Variants in PTPRN2 observed in about 807,000 individuals in gnomAD.
The protein encoded by PTPRN2 is receptor-type tyrosine-protein phosphatase N2.
PTPRN2 carries 74 observed loss-of-function variants against 118.8 expected under a neutral mutation model. The observed-to-expected ratio is 0.62, with a 90% CI of 0.52 to 0.76. The LOEUF (loss-of-function observed/expected upper bound fraction) is 0.76. Among genes scored for constraint, PTPRN2 ranks in the 30% least tolerant of loss-of-function variants. PTPRN2 has a pLI of 0.00. For synonymous variants in PTPRN2, 641 were observed against 608.0 expected (o/e 1.05, Z -0.80); for missense variants, 1,481 against 1,394.4 (o/e 1.06, Z -0.99).
intron 11 of PTPRN2, among the ~76,000 whole-genome samples, chr7:157,963,714 C>T (rs560384902): frequency 2.3e-4 from 35 of 152,318 alleles, no homozygotes; most frequent in Non-Finnish European, 3.8e-4. Flanking sequence ...CAGACGATGC[C>T]GCTTCTCAGT....
chr7:157,640,179 G>C (rs1049085766), intron 14 of PTPRN2, among the ~76,000 whole-genome samples: 3 of 152,234 alleles, frequency 2.0e-5, no homozygotes, highest in Admixed American at 6.5e-5. Flanking sequence ...GATCATGATT[G>C]AAGGTGTTAA....
In PTPRN2 at chr7:157,929,207, G is replaced by A. The variant is rs1050621332; in HGVS notation, c.1724-30470C>T. Among the ~76,000 whole-genome samples the A allele has an allele frequency of 3.3e-5, 5 of 152,122 alleles. No homozygotes were observed. In the South Asian group the frequency reaches 6.2e-4, roughly 19 times the overall value. On this transcript the variant is annotated intron_variant, in intron 11 of 22. Coordinates refer to ENST00000389418, the MANE Select transcript of PTPRN2 (RefSeq NM_002847.5). This position sits in a 1 kb window ranked among gnomAD's most constrained non-coding sequence, Gnocchi z 4.4. ...GTTAGCAAATGCTGAAGGCAGGGTC[G>A]TCCCTGGCATGACCCCCTCCCCATA...
At chr7:158,258,864 C>A (rs769526791) in intron 3 of PTPRN2, among the ~76,000 whole-genome samples, 3 of 152,172 alleles carry the variant, frequency 2.0e-5, no homozygotes, top group Non-Finnish European at 4.4e-5. Flanking sequence ...CCTGCAGCCA[C>A]GCGAGGTCTG....
At chr7:158,079,385 G>A (rs1812622487) in intron 11 of PTPRN2, among the ~76,000 whole-genome samples, 1 of 152,154 alleles carries the variant, frequency 6.6e-6, no homozygotes, top group Non-Finnish European at 1.5e-5. Context: ...CCCCCTTGGT[G>A]CAGCACTTCG....
chr7:157,998,849 G>A (rs1279138441), intron 11 of PTPRN2, among the ~76,000 whole-genome samples: 1 of 150,696 alleles, frequency 6.6e-6, no homozygotes, highest in Non-Finnish European at 1.5e-5. Context: ...TCTACTTCAA[G>A]TTGTAATTCT....
intron 12 of PTPRN2, among the ~76,000 whole-genome samples, chr7:157,887,810 C>T (rs1414797105): frequency 2.4e-5 from 3 of 123,664 alleles, no homozygotes; most frequent in African/African-American, 9.7e-5. Flanking sequence ...TACCCACTCC[C>T]CCAGTACCCG....
intron 2 of PTPRN2, among the ~76,000 whole-genome samples, chr7:158,418,521 A>G (rs1814964293): frequency 6.8e-6 from 1 of 147,584 alleles, no homozygotes; most frequent in Non-Finnish European, 1.5e-5. Flanking sequence ...GTGTTAAGTC[A>G]CAGTGTACTA....
In PTPRN2 at chr7:158,214,059, G is replaced by A. The variant is rs369361166; in HGVS notation, c.278-8786C>T. Among the ~76,000 whole-genome samples, 35 of 151,988 alleles carry A rather than the reference G, an allele frequency of 2.3e-4. No individual in the cohort carries two copies. In the East Asian group the frequency reaches 2.9e-3, roughly 13 times the overall value. On this transcript the variant is annotated intron_variant, in intron 3 of 22. Transcript: ENST00000389418. ...TTAGCCCAGCCATCTCAGCCTTCCCGGAAGTCAGAAGAAACTGTGCTCTTA... is the reference window on the plus strand; with the variant it reads ...TTAGCCCAGCCATCTCAGCCTTCCCAGAAGTCAGAAGAAACTGTGCTCTTA...
intron 13 of PTPRN2, among the ~76,000 whole-genome samples, chr7:157,679,790 T>C (rs1004601864): frequency 1.3e-5 from 2 of 152,066 alleles, no homozygotes; most frequent in African/African-American, 4.8e-5. Context: ...TTAGCAGAGG[T>C]TGGCAACATG....
At chr7:158,258,733 AG>A (rs1033423931) in intron 3 of PTPRN2, among the ~76,000 whole-genome samples, 1 of 152,154 alleles carries the variant, frequency 6.6e-6, no homozygotes, top group Non-Finnish European at 1.5e-5. Flanking sequence ...AATGGCATCC[AG>A]GGTTTTCCTT....
intron 2 of PTPRN2, among the ~76,000 whole-genome samples, chr7:158,403,034 C>G (rs917757220): frequency 2.6e-5 from 4 of 152,212 alleles, no homozygotes; most frequent in African/African-American, 4.8e-5. Flanking sequence ...CGTTTGCCTC[C>G]CACGGCTTCT....
At chr7:158,150,369 CCA>C (rs1412584642) in intron 6 of PTPRN2, among the ~76,000 whole-genome samples, 12 of 152,222 alleles carry the variant, frequency 7.9e-5, no homozygotes, top group African/African-American at 2.9e-4. Context: ...AGGGTGTACC[CCA>C]GTCTCCGCCC....
chr7:157,544,820 C>A (rs1414686470), intron 22 of PTPRN2, among the ~76,000 whole-genome samples: 1 of 152,158 alleles, frequency 6.6e-6, no homozygotes, highest in Admixed American at 6.5e-5. Context: ...AGGGTGTGTG[C>A]ACACGGGAAT....
At chr7:158,090,316 G>C (rs545685133) in intron 10 of PTPRN2, among the ~76,000 whole-genome samples, 1 of 152,200 alleles carries the variant, frequency 6.6e-6, no homozygotes, top group Admixed American at 6.5e-5. Context: ...ATTTATTGCC[G>C]CTAGGAGTCA....
chr7:157,882,382 C>A (rs1332377405), intron 12 of PTPRN2, among the ~76,000 whole-genome samples: 1 of 149,608 alleles, frequency 6.7e-6, no homozygotes, highest in Non-Finnish European at 1.5e-5. Context: ...ACTTGACTAT[C>A]AGAGACCAGA....
In PTPRN2 at chr7:158,052,085, C is replaced by T. The variant is rs554095312; in HGVS notation, c.1723+29213G>A. ...TTAGCTCACCAGGCGATGGAAATTG[C>T]GCCTCTGATCCAGAAAAGTCCCTGT... On this transcript the variant is annotated intron_variant, in intron 11 of 22. Transcript: ENST00000389418. Among the ~76,000 whole-genome samples, 7 of 152,278 alleles carry T rather than the reference C, an allele frequency of 4.6e-5. No homozygotes were observed. In the South Asian group the frequency reaches 1.0e-3, roughly 23 times the overall value.
At chr7:157,725,045 C>T (rs1317557503) in intron 12 of PTPRN2, among the ~76,000 whole-genome samples, 2 of 152,202 alleles carry the variant, frequency 1.3e-5, no homozygotes, top group Non-Finnish European at 2.9e-5. Flanking sequence ...AAATAACCTG[C>T]TTTTTCCCAT....
rs1796388636 is a variant in PTPRN2, at chr7:157,671,108, C to T, written c.2001+11617G>A. ...CAAGAGGGTTTACATGCTCCCCCGC[C>T]CCCCGTCCCCTGCCCACAGACCTGC... On this transcript the variant is annotated intron_variant, in intron 13 of 22. Coordinates refer to ENST00000389418, the MANE Select transcript of PTPRN2 (RefSeq NM_002847.5). This position sits in a 1 kb window ranked among gnomAD's most constrained non-coding sequence, Gnocchi z 4.1. 7.0e-6 allele frequency among the ~76,000 whole-genome samples: 1 copy of T among 142,786 alleles called. No homozygotes were observed. Among genetic ancestry groups the T allele is most frequent in the African/African-American group, 2.5e-5 (1 of 39,990 alleles). The allele number at this position is 142,786 out of a possible 152,430, so 93.7% of individuals were successfully genotyped here.
chr7:157,582,805 C>T (rs534306486), intron 17 of PTPRN2, among the ~76,000 whole-genome samples: 3 of 151,472 alleles, frequency 2.0e-5, no homozygotes, highest in Non-Finnish European at 4.4e-5. Context: ...ACCTAGGAGG[C>T]GGAGGTTGCA....
Sources: allele counts gnomAD v4.1 joint callset (sites outside exome capture counted in the v4.1 genomes callset), GRCh38; gene constraint gnomAD v4.1.1; non-coding constraint Gnocchi (gnomAD v3.1); transcripts MANE v1.5; gene names NCBI Gene and HGNC (gene_info 2026-07-23, HGNC 2026-07-21).